The following PTPRN2 variants were observed in gnomAD, a reference collection of about 807,000 sequenced individuals.
PTPRN2 encodes protein tyrosine phosphatase receptor type N2, also known as receptor-type tyrosine-protein phosphatase N2.
PTPRN2 carries 74 observed loss-of-function variants against 118.8 expected under a neutral mutation model. That is an observed-to-expected ratio of 0.62 (90% CI 0.52 to 0.76). The LOEUF is 0.76. Ranked by LOEUF, PTPRN2 falls within the 30% of genes least tolerant of loss-of-function variation. The pLI is 0.00. For missense variants in PTPRN2, 1,481 were observed against 1,394.4 expected (o/e 1.06, Z -0.99); for synonymous variants, 641 against 608.0 (o/e 1.05, Z -0.80).
chr7:158,241,881 T>A (rs182666411), intron 3 of PTPRN2, among the ~76,000 whole-genome samples: 1 of 152,180 alleles, frequency 6.6e-6, no homozygotes, highest in African/African-American at 2.4e-5. Flanking sequence ...GTGCATATGG[T>A]CCTGGAGAAG....
chr7:158,439,232 C>T (rs1052722539), intron 2 of PTPRN2, among the ~76,000 whole-genome samples: 1 of 152,064 alleles, frequency 6.6e-6, no homozygotes, highest in Non-Finnish European at 1.5e-5. Context: ...ACCTCGGGCA[C>T]ATGCCTCAGG....
At chr7:157,662,643 A>C (rs1795947993) in intron 13 of PTPRN2, among the ~76,000 whole-genome samples, 1 of 152,204 alleles carries the variant, frequency 6.6e-6, no homozygotes, top group South Asian at 2.1e-4. Flanking sequence ...GTGAGCAGGC[A>C]TGGGGCCTGG....
chr7:158,313,263 G>A (rs1482663801), intron 3 of PTPRN2, among the ~76,000 whole-genome samples: 3 of 152,242 alleles, frequency 2.0e-5, no homozygotes, highest in South Asian at 2.1e-4. Flanking sequence ...CCACAGGGTC[G>A]TCCTCCTGCC....
Position 157,995,406 on chromosome 7 carries a change from G to A in PTPRN2, c.1723+85892C>T, listed in dbSNP as rs544234667. Among the ~76,000 whole-genome samples, 122 of 152,314 alleles carry A rather than the reference G, an allele frequency of 8.0e-4. 2 individuals are homozygous for A. Among genetic ancestry groups the A allele is most frequent in the African/African-American group, 8.7e-4 (36 of 41,554 alleles). ...TTACAAACGCTGTGTCACACTCTAC[G>A]GTTTCTATCTGGTTTTATTTTCATC... On this transcript the variant is annotated intron_variant, in intron 11 of 22. Transcript: ENST00000389418.
intron 10 of PTPRN2, among the ~76,000 whole-genome samples, chr7:158,106,519 C>G (rs1032344617): frequency 3.3e-5 from 5 of 152,190 alleles, no homozygotes; most frequent in African/African-American, 1.2e-4. Context: ...CTATTTCCAC[C>G]TTTTCTGACT....
intron 1 of PTPRN2, among the ~76,000 whole-genome samples, chr7:158,568,027 C>T (rs1432684460): frequency 6.6e-6 from 1 of 152,146 alleles, no homozygotes; most frequent in African/African-American, 2.4e-5. Flanking sequence ...CTGATGCAGG[C>T]AGATCACTTG....
chr7:157,967,624 G>A (rs1412073567), intron 11 of PTPRN2, among the ~76,000 whole-genome samples: 1 of 152,148 alleles, frequency 6.6e-6, no homozygotes, highest in Non-Finnish European at 1.5e-5. Flanking sequence ...TCCATGACAT[G>A]GGGAAAAGGA....
At chr7:158,387,580 T>TCAGCA (rs1272056517) in intron 2 of PTPRN2, among the ~76,000 whole-genome samples, 1 of 7,004 alleles carries the variant, frequency 1.4e-4, no homozygotes, top group African/African-American at 5.4e-4. Context: ...TCAGCTCAGC[T>TCAGCA]TGGCCCGGCC....
intron 11 of PTPRN2, among the ~76,000 whole-genome samples, chr7:158,045,735 C>A (rs1305415771): frequency 6.6e-6 from 1 of 150,908 alleles, no homozygotes; most frequent in Non-Finnish European, 1.5e-5. Flanking sequence ...CTTGTTCTGT[C>A]CAGGAGCAGA....
intron 1 of PTPRN2, among the ~76,000 whole-genome samples, chr7:158,543,004 C>T (rs1275831403): frequency 2.6e-5 from 4 of 151,266 alleles, no homozygotes; most frequent in African/African-American, 4.9e-5. Flanking sequence ...GAATGTCATG[C>T]GCCGGGTTGG....
At position 158,268,042 on chromosome 7, in the gene PTPRN2, G is replaced by A. The variant is rs77582059; in HGVS notation, c.277+48777C>T. 5.5e-3 allele frequency among the ~76,000 whole-genome samples: 845 copies of A among 152,284 alleles called. 11 individuals carry two copies. The highest frequency in any genetic ancestry group is 0.019 in the African/African-American group (801 of 41,534). On this transcript the variant is annotated intron_variant, in intron 3 of 22. Transcript: ENST00000389418. ...GTATTTGGGTAACTGTTTCACCCTC[G>A]TGGTGTGACAGCCCATTTGAGCGCT...
At chr7:158,246,405 GA>G (rs1249677927) in intron 3 of PTPRN2, among the ~76,000 whole-genome samples, 2 of 151,384 alleles carry the variant, frequency 1.3e-5, no homozygotes, top group Non-Finnish European at 2.9e-5. Flanking sequence ...TCTCTACCAA[GA>G]AGGAAGAAGA....
At chr7:158,150,447 C>T (rs1004492210) in intron 6 of PTPRN2, among the ~76,000 whole-genome samples, 2 of 152,316 alleles carry the variant, frequency 1.3e-5, no homozygotes, top group South Asian at 4.1e-4. Flanking sequence ...CCGCCCTGAC[C>T]TGGCACTGAC....
intron 12 of PTPRN2, among the ~76,000 whole-genome samples, chr7:157,895,054 C>A (rs992979522): frequency 2.6e-5 from 4 of 151,876 alleles, no homozygotes; most frequent in Non-Finnish European, 5.9e-5. Flanking sequence ...GGACCCCTCC[C>A]CCACAGGAGG....
chr7:158,180,664 T>C (rs1171900064), intron 5 of PTPRN2, among the ~76,000 whole-genome samples: 2 of 152,180 alleles, frequency 1.3e-5, no homozygotes, highest in East Asian at 3.9e-4. Context: ...ACCTCCTTGG[T>C]TAAGTATATT....
chr7:158,103,739 A>G (rs1442042321), intron 10 of PTPRN2, among the ~76,000 whole-genome samples: 1 of 152,170 alleles, frequency 6.6e-6, no homozygotes, highest in Non-Finnish European at 1.5e-5. Flanking sequence ...TGTGATGGAC[A>G]CCAATGGTGT....
intron 1 of PTPRN2, among the ~76,000 whole-genome samples, chr7:158,579,670 C>T (rs1828524490): frequency 6.6e-6 from 1 of 152,224 alleles, no homozygotes; most frequent in African/African-American, 2.4e-5. Context: ...TTGAAACAGC[C>T]ACATATTCCC....
At chr7:158,344,298 T>G (rs774115724) in intron 2 of PTPRN2, among the ~76,000 whole-genome samples, 3 of 152,008 alleles carry the variant, frequency 2.0e-5, no homozygotes, top group Non-Finnish European at 2.9e-5. Context: ...CAAGGCAGTT[T>G]AGTAACTAGA....
At chr7:158,339,869 ACC>A (rs1383208495) in intron 2 of PTPRN2, among the ~76,000 whole-genome samples, 1 of 113,056 alleles carries the variant, frequency 8.8e-6, no homozygotes, top group African/African-American at 3.3e-5. Flanking sequence ...CATCACTCAC[ACC>A]CACAGTCTCA....
Sources: allele counts gnomAD v4.1 joint callset (sites outside exome capture counted in the v4.1 genomes callset), GRCh38; gene constraint gnomAD v4.1.1; transcripts MANE v1.5; gene names NCBI Gene and HGNC (gene_info 2026-07-23, HGNC 2026-07-21).